The following PCDH15 variants were observed in gnomAD, a reference collection of about 807,000 sequenced individuals.
PCDH15 encodes the protein protocadherin-15.
Under a neutral mutation model 178.5 loss-of-function variants are expected in PCDH15, and 129 were observed. That is an observed-to-expected ratio of 0.72 (90% CI 0.63 to 0.84). The LOEUF (loss-of-function observed/expected upper bound fraction) is 0.84. PCDH15 is among the 40% of genes least tolerant of loss of function. The pLI, the probability that PCDH15 is intolerant of heterozygous loss-of-function variation, is 0.00. For missense variants in PCDH15, 2,230 were observed against 2,099.9 expected, an observed-to-expected ratio of 1.06 and a Z score of -1.21; for synonymous variants, 800 against 732.0, an observed-to-expected ratio of 1.09 and a Z score of -1.50.
intron 2 of PCDH15, among the ~76,000 whole-genome samples, chr10:55,559,209 G>T (rs1299240803): frequency 6.6e-6 from 1 of 151,808 alleles, no homozygotes; most frequent in African/African-American, 2.4e-5. Flanking sequence ...AGAACCAAAT[G>T]TATACCAATA....
intron 3 of PCDH15, among the ~76,000 whole-genome samples, chr10:54,454,971 G>T (rs748987230): frequency 1.5e-4 from 23 of 152,134 alleles, no homozygotes; most frequent in African/African-American, 5.5e-4. Flanking sequence ...TTAATCATGG[G>T]GGCGATTACT....
intron 3 of PCDH15, among the ~76,000 whole-genome samples, chr10:54,874,840 T>C (rs899392224): frequency 1.3e-5 from 2 of 152,176 alleles, no homozygotes; most frequent in African/African-American, 4.8e-5. Flanking sequence ...ACACTTTAAT[T>C]TATTCATATG....
intron 1 of PCDH15, among the ~76,000 whole-genome samples, chr10:55,231,184 C>T (rs1244692797): frequency 2.6e-5 from 4 of 151,764 alleles, no homozygotes; most frequent in African/African-American, 4.8e-5. Context: ...GTTTATTGGT[C>T]GCAAGCAACA....
chr10:54,348,778 T>G (rs1192763470), intron 5 of PCDH15, among the ~76,000 whole-genome samples: 2 of 152,164 alleles, frequency 1.3e-5, no homozygotes, highest in Non-Finnish European at 2.9e-5. Flanking sequence ...TTTATTGAAT[T>G]TATTAGTTCA....
At chr10:53,941,873 ATTTATT>A (rs1417374978) in intron 23 of PCDH15, among the ~76,000 whole-genome samples, 2 of 152,156 alleles carry the variant, frequency 1.3e-5, no homozygotes, top group Non-Finnish European at 2.9e-5. Flanking sequence ...GTGTGGTGGT[ATTTATT>A]TTTATTTTTT....
intron 7 of PCDH15, among the ~76,000 whole-genome samples, chr10:54,325,732 T>C (rs944167693): frequency 2.0e-5 from 3 of 151,670 alleles, no homozygotes; most frequent in Admixed American, 6.6e-5. Flanking sequence ...CTGGGCAACA[T>C]AGCAATACTC....
chr10:54,069,649 C>T (rs2094202519), intron 17 of PCDH15, among the ~76,000 whole-genome samples: 1 of 152,056 alleles, frequency 6.6e-6, no homozygotes, highest in Non-Finnish European at 1.5e-5. Context: ...GGTCTATTGA[C>T]TATTGTTCTG....
intron 6 of PCDH15, among the ~76,000 whole-genome samples, chr10:54,336,478 C>T (rs530001814): frequency 4.7e-4 from 71 of 152,274 alleles, no homozygotes; most frequent in African/African-American, 1.6e-3. Context: ...ACTCGGTGCC[C>T]CGTGTCCCAG....
At chr10:53,852,798 C>T (rs2078474578) in intron 28 of PCDH15, among the ~76,000 whole-genome samples, 2 of 151,950 alleles carry the variant, frequency 1.3e-5, no homozygotes, top group South Asian at 2.1e-4. Context: ...TCCACTTCAT[C>T]GGATAGGGAT....
chr10:55,440,947 C>G (rs1217943521), intron 2 of PCDH15, among the ~76,000 whole-genome samples: 1 of 152,104 alleles, frequency 6.6e-6, no homozygotes, highest in Non-Finnish European at 1.5e-5. Context: ...TATTGGCTAC[C>G]ATGAGAACAG....
intron 3 of PCDH15, among the ~76,000 whole-genome samples, chr10:54,517,681 G>A (rs918726345): frequency 1.3e-5 from 2 of 152,086 alleles, no homozygotes; most frequent in Non-Finnish European, 2.9e-5. Context: ...GGATACCCAG[G>A]AATTGAACTC....
intron 3 of PCDH15, among the ~76,000 whole-genome samples, chr10:54,425,104 A>T (rs1956109236): frequency 6.6e-6 from 1 of 151,940 alleles, no homozygotes; most frequent in South Asian, 2.1e-4. Context: ...ACATCCATGC[A>T]TAGAATTAGA....
rs117402085 is a variant in PCDH15 at position 55,264,554 on chromosome 10, C to G, written c.-156+55045G>C. Among the ~76,000 whole-genome samples the G allele has an allele frequency of 2.0e-4, 31 of 152,250 alleles. No individual in the cohort carries two copies. In the East Asian group the frequency reaches 6.0e-3, roughly 30 times the overall value. On this transcript the variant is annotated intron_variant, in intron 1 of 5. Coordinates refer to the PCDH15 transcript ENST00000458638. Reference sequence around the variant, plus strand: ...GTGGAAGGGATAGGGAGGACGCTTGCTTTATCTCTTTATCACACCCTGGGT... The same window carrying G: ...GTGGAAGGGATAGGGAGGACGCTTGGTTTATCTCTTTATCACACCCTGGGT...
intron 9 of PCDH15, among the ~76,000 whole-genome samples, chr10:54,226,236 A>G (rs1017387192): frequency 1.3e-5 from 2 of 152,196 alleles, no homozygotes; most frequent in Non-Finnish European, 2.9e-5. Flanking sequence ...CACTTCTTAC[A>G]TGGATGGCAG....
At chr10:55,608,486 G>A (rs1843283732) in intron 2 of PCDH15, among the ~76,000 whole-genome samples, 4 of 151,528 alleles carry the variant, frequency 2.6e-5, no homozygotes, top group African/African-American at 9.7e-5. Flanking sequence ...ACTCTTCCTT[G>A]GCGAGGTAAA....
intron 1 of PCDH15, among the ~76,000 whole-genome samples, chr10:54,668,384 G>A (rs558547808): frequency 7.2e-5 from 11 of 152,258 alleles, no homozygotes; most frequent in African/African-American, 2.4e-4. Flanking sequence ...TAAATGAAGT[G>A]AGATTACACA....
At chr10:55,430,365 T>C (rs563336471) in intron 2 of PCDH15, among the ~76,000 whole-genome samples, 13 of 152,288 alleles carry the variant, frequency 8.5e-5, no homozygotes, top group African/African-American at 3.1e-4. Context: ...GATAGGTAAA[T>C]AGCCAAATGA....
chr10:55,054,748 C>T lies in PCDH15; in HGVS notation c.-80+111828G>A, dbSNP rs150264606. On this transcript the variant is annotated intron_variant, in intron 2 of 5. Transcript: ENST00000458638. ...TGGCATCTCATTGTGGTTTGATTTGCATTTCTCTAGTGATCAGTGATGTTG... is the reference window on the plus strand; with the variant it reads ...TGGCATCTCATTGTGGTTTGATTTGTATTTCTCTAGTGATCAGTGATGTTG... Among the ~76,000 whole-genome samples, 206 of 152,246 alleles carry T rather than the reference C, an allele frequency of 1.4e-3. 1 individual carries two copies. The highest frequency in any genetic ancestry group is 4.6e-3 in the African/African-American group (193 of 41,558).
chr10:54,180,512 T>G (rs144784356), intron 13 of PCDH15, among the ~76,000 whole-genome samples: 97 of 152,320 alleles, frequency 6.4e-4, no homozygotes, highest in African/African-American at 2.1e-3. Flanking sequence ...TTCTGACACT[T>G]TCAGTCTTTG....
Sources: allele counts gnomAD v4.1 joint callset (sites outside exome capture counted in the v4.1 genomes callset), GRCh38; gene constraint gnomAD v4.1.1; transcripts MANE v1.5; gene names NCBI Gene and HGNC (gene_info 2026-07-23, HGNC 2026-07-21).